The following UPF3B variants were observed in gnomAD, a reference collection of about 807,000 sequenced individuals.
The protein encoded by UPF3B is regulator of nonsense transcripts 3B.
In UPF3B, 7 loss-of-function variants were observed where a neutral mutation model predicts 40.3. That is an observed-to-expected ratio of 0.17 (90% CI 0.10 to 0.33). UPF3B has a LOEUF of 0.33. Among genes scored for constraint, UPF3B ranks in the 10% least tolerant of loss-of-function variants. The pLI is 1.00. For missense variants in UPF3B, 229 were observed against 358.9 expected, an observed-to-expected ratio of 0.64 and a Z score of 2.93; for synonymous variants, 117 against 117.3, an observed-to-expected ratio of 1.00 and a Z score of 0.01.
At chrX:119,836,673 C>CAA in intron 10 of UPF3B, among the ~76,000 whole-genome samples, 1 of 104,111 alleles carries the variant, frequency 9.6e-6, no homozygotes. Flanking sequence ...TTTTTTGAGA[C>CAA]AGAGTCTCGC....
chrX:119,826,644 A>G (rs1348297013), intron 3 of UPF3B, among the ~76,000 whole-genome samples: 3 of 112,467 alleles, frequency 2.7e-5, no homozygotes, highest in Non-Finnish European at 1.9e-5. Flanking sequence ...TTCAATGGAA[A>G]TTGTAAACAA....
At chrX:119,807,533 G>T in exon 6 of UPF3B, 7 of 860,055 alleles carry the variant, frequency 8.1e-6, no homozygotes, top group South Asian at 7.3e-5. Flanking sequence ...CACCAGAATC[G>T]ACCTGGGCTT....
chrX:119,834,156 A>G lies in UPF3B; in HGVS notation c.*722T>C. 1.3e-6 allele frequency: 1 copy of G among 755,194 alleles called. No homozygotes were observed. Among genetic ancestry groups the G allele is most frequent in the Non-Finnish European group, 1.6e-6 (1 of 639,717 alleles). 62.2% of individuals were successfully genotyped at this position (755,194 alleles called of 1,213,427 possible). A position where few individuals can be genotyped will look rare whatever the true frequency, so the allele number is the denominator to read the frequency against. On this transcript the variant is annotated 3_prime_UTR_variant, in exon 11 of 11. Coordinates refer to ENST00000276201, the MANE Select transcript of UPF3B (RefSeq NM_080632.3). ...GGTATGCACTCAGATCATGAGACCTAAGATCAAACACACTGGATTGTCAAG... is the reference window on the plus strand; with the variant it reads ...GGTATGCACTCAGATCATGAGACCTGAGATCAAACACACTGGATTGTCAAG...
At chrX:119,822,766 C>T (rs987749446) in intron 4 of UPF3B, among the ~76,000 whole-genome samples, 6 of 111,092 alleles carry the variant, frequency 5.4e-5, no homozygotes, top group African/African-American at 2.0e-4. Context: ...TGCCACCAAG[C>T]CCGGCTAATT....
Position 119,841,238 on chromosome X carries a change from T to C in UPF3B, c.645A>G (p.Arg215=), listed in dbSNP as rs767388181. 3.4e-5 allele frequency: 41 copies of C among 1,190,114 alleles called. No homozygotes were observed. The South Asian group carries it at 6.4e-4, about 19-fold the overall frequency. Residue 215 remains arginine (R), a synonymous_variant, in exon 7 of 11, where the codon AGA becomes AGG. Coordinates refer to ENST00000276201, the MANE Select transcript of UPF3B (RefSeq NM_080632.3). ...CTATTTCTCTCCTCCTCCTTTCTTC[T>C]CTCTTTTCTTCTCTCATTCTCTAGA... ...KNKQRMREEK[R]EERRRREIER... is the part of the protein sequence containing the mutation.
rs749564866 is a variant in UPF3B at position 119,840,620 on chromosome X, C to T, written c.846+26G>A. The T allele has an allele frequency of 2.5e-6, 3 of 1,183,062 alleles. No homozygotes were observed. The African/African-American group carries it at 5.3e-5, about 21-fold the overall frequency. ...TGTGTGTGTGACATGATACTAGATG[C>T]TCTGTATCATGTACTTGGTCCTTAC... On this transcript the variant is annotated intron_variant, in intron 8 of 10. Coordinates refer to ENST00000276201, the MANE Select transcript of UPF3B (RefSeq NM_080632.3).
intron 3 of UPF3B, among the ~76,000 whole-genome samples, chrX:119,845,997 AC>A (rs1289500126): frequency 1.8e-5 from 2 of 110,662 alleles, no homozygotes; most frequent in Non-Finnish European, 1.9e-5. Flanking sequence ...CAATATGTAT[AC>A]ATTTCATAAT....
intron 4 of UPF3B, among the ~76,000 whole-genome samples, chrX:119,816,522 A>C (rs1434740009): frequency 9.0e-6 from 1 of 111,150 alleles, no homozygotes; most frequent in Non-Finnish European, 1.9e-5. Flanking sequence ...AAGAAATTGA[A>C]GAGGGTGGGG....
At chrX:119,816,891 A>G (rs2055869790) in intron 4 of UPF3B, among the ~76,000 whole-genome samples, 1 of 111,754 alleles carries the variant, frequency 8.9e-6, no homozygotes, top group Admixed American at 9.5e-5. Flanking sequence ...TGGTTTTCAC[A>G]CTAGTAGAAA....
At chrX:119,842,470 C>G (rs982864733) in intron 5 of UPF3B, among the ~76,000 whole-genome samples, 5 of 109,333 alleles carry the variant, frequency 4.6e-5, no homozygotes, top group Non-Finnish European at 9.5e-5. Flanking sequence ...GTACTTCCAG[C>G]TACTCGGGAG....
rs138435462 is a variant in UPF3B at position 119,837,476 on chromosome X, C to T, written c.1302+281G>A. Among the ~76,000 whole-genome samples, 2,190 of 107,270 alleles carry T rather than the reference C, an allele frequency of 0.02. 54 individuals are homozygous for T. Among genetic ancestry groups the T allele is most frequent in the African/African-American group, 0.061 (1,807 of 29,486 alleles). 93.2% of individuals were successfully genotyped at this position (107,270 alleles called of 115,157 possible). Reference sequence around the variant, plus strand: ...TAAAAATACAAAAAAATAAGTCAGGCGTGGTGGTGGGCGCCTGTAGTCCCA... The same window carrying T: ...TAAAAATACAAAAAAATAAGTCAGGTGTGGTGGTGGGCGCCTGTAGTCCCA... On this transcript the variant is annotated intron_variant, in intron 10 of 10. Transcript: ENST00000276201.
chrX:119,814,434 T>C (rs2055846972), intron 5 of UPF3B, among the ~76,000 whole-genome samples: 1 of 112,623 alleles, frequency 8.9e-6, no homozygotes. Context: ...ATTTAAATGT[T>C]TGCATCAATG....
At chrX:119,846,895 C>T (rs569684926) in intron 3 of UPF3B, among the ~76,000 whole-genome samples, 2 of 111,928 alleles carry the variant, frequency 1.8e-5, no homozygotes, top group African/African-American at 3.2e-5. Flanking sequence ...GGGGTAATAT[C>T]GAGAATATAT....
intron 5 of UPF3B, among the ~76,000 whole-genome samples, chrX:119,808,671 G>A (rs2055809916): frequency 9.4e-6 from 1 of 106,223 alleles, no homozygotes; most frequent in Non-Finnish European, 1.9e-5. Flanking sequence ...GGACAGGCAA[G>A]GCAAGTAGAA....
At chrX:119,841,458 A>G (rs1266507421) in intron 6 of UPF3B, among the ~76,000 whole-genome samples, 200 bp from the exon 7 acceptor site, 1 of 111,825 alleles carries the variant, frequency 8.9e-6, no homozygotes. Flanking sequence ...TTATTCTTCC[A>G]CTGCTGCCTT....
At chrX:119,849,425 G>A (rs1384316177) in intron 3 of UPF3B, among the ~76,000 whole-genome samples, 2 of 108,512 alleles carry the variant, frequency 1.8e-5, no homozygotes, top group East Asian at 2.9e-4. Context: ...CCCAGGAGGC[G>A]GAGGTTGTAA....
At position 119,834,264 on chromosome X, in the gene UPF3B, A is replaced by T. The variant is rs1047432450; in HGVS notation, c.*614T>A. On this transcript the variant is annotated 3_prime_UTR_variant, in exon 11 of 11. Transcript: ENST00000276201. The stretch of plus-strand genomic sequence containing the variant: ...GAAGTTTAAAAATATTCTTTACGCT[A>T]AGCTCATATAAGCAAACAAAAAACT... 6.5e-5 allele frequency: 49 copies of T among 753,727 alleles called. No homozygotes were observed. Among genetic ancestry groups the T allele is most frequent in the Non-Finnish European group, 7.7e-5 (49 of 639,429 alleles). 62.1% of individuals were successfully genotyped at this position (753,727 alleles called of 1,213,427 possible).
At chrX:119,838,285 T>C (rs745840117) in intron 9 of UPF3B, 82 bp downstream of exon 9, 1 of 1,094,458 alleles carries the variant, frequency 9.1e-7, no homozygotes, top group East Asian at 3.0e-5. Context: ...ACAGCTTATC[T>C]TAATTCAGGT....
chrX:119,814,906 C>T (rs1173336998), intron 5 of UPF3B, among the ~76,000 whole-genome samples: 2 of 96,426 alleles, frequency 2.1e-5, no homozygotes, highest in African/African-American at 7.7e-5. Flanking sequence ...TACTCTGTTG[C>T]CCAGGCTGGA....
Sources: gnomAD v4.1 joint callset for allele counts (sites outside exome capture counted in the v4.1 genomes callset) on GRCh38, gnomAD v4.1.1 for gene constraint, MANE v1.5 for transcripts, NCBI Gene and HGNC (gene_info 2026-07-23, HGNC 2026-07-21) for gene names.